The following SEMA3A variants were observed in gnomAD, a reference collection of about 807,000 sequenced individuals.
SEMA3A encodes the protein semaphorin 3A, also known as semaphorin-3A.
Under a neutral mutation model 97.9 loss-of-function variants are expected in SEMA3A, and 29 were observed. The ratio of observed to expected loss-of-function variants is 0.30; its 90% CI spans 0.22 to 0.40. The LOEUF is 0.40. SEMA3A is among the 10% of genes least tolerant of loss of function. SEMA3A has a pLI of 1.00. For synonymous variants in SEMA3A, 321 were observed against 323.7 expected (o/e 0.99, Z 0.09); for missense variants, 763 against 951.3 (o/e 0.80, Z 2.60).
At chr7:84,315,106 T>C (rs2115884217) in intron 2 of SEMA3A, among the ~76,000 whole-genome samples, 1 of 152,260 alleles carries the variant, frequency 6.6e-6, no homozygotes, top group East Asian at 1.9e-4. Context: ...AGAAGGGTAA[T>C]TAACCTTACC....
intron 1 of SEMA3A, among the ~76,000 whole-genome samples, chr7:84,185,518 TTAAAAAATA>T (rs1488976435): frequency 1.3e-5 from 2 of 148,592 alleles, no homozygotes; most frequent in Non-Finnish European, 3.0e-5. Context: ...CTAAAAAAAT[TTAAAAAATA>T]AAAAAAATAA....
At chr7:83,996,946 T>G (rs1055546091) in intron 12 of SEMA3A, among the ~76,000 whole-genome samples, 20 of 152,190 alleles carry the variant, frequency 1.3e-4, no homozygotes, top group African/African-American at 4.6e-4. Context: ...TTCTATACTC[T>G]GATCGAGATT....
chr7:84,145,405 A>G (rs1796433136), intron 1 of SEMA3A, among the ~76,000 whole-genome samples: 1 of 152,168 alleles, frequency 6.6e-6, no homozygotes, highest in Non-Finnish European at 1.5e-5. Context: ...TGTAATTTGA[A>G]CCACATTATT....
chr7:84,230,212 C>G (rs1799087971), intron 3 of SEMA3A, among the ~76,000 whole-genome samples: 1 of 152,078 alleles, frequency 6.6e-6, no homozygotes, highest in East Asian at 1.9e-4. Flanking sequence ...TTGAGTCACT[C>G]TCTCTCTTCC....
chr7:83,965,640 ATATATATATATAT>A (rs1788644717), intron 15 of SEMA3A, among the ~76,000 whole-genome samples: 1 of 6,490 alleles, frequency 1.5e-4, no homozygotes, highest in Non-Finnish European at 2.7e-4. Context: ...ATATATATAT[ATATATATATATAT>A]ATATATATAT....
intron 6 of SEMA3A, among the ~76,000 whole-genome samples, chr7:84,023,748 C>T (rs562818952): frequency 2.4e-4 from 36 of 152,274 alleles, no homozygotes; most frequent in Non-Finnish European, 4.9e-4. Context: ...CTATGGCTCA[C>T]GCCTGTAATC....
At chr7:84,333,135 T>G (rs1475126779) in intron 2 of SEMA3A, among the ~76,000 whole-genome samples, 1 of 152,144 alleles carries the variant, frequency 6.6e-6, no homozygotes, top group Non-Finnish European at 1.5e-5. Context: ...AATTGTAACT[T>G]TGTACTTTTT....
intron 3 of SEMA3A, among the ~76,000 whole-genome samples, chr7:84,209,199 G>A (rs1287370608): frequency 1.4e-4 from 21 of 152,114 alleles, no homozygotes; most frequent in Admixed American, 1.4e-3. Flanking sequence ...CCACTTCTTA[G>A]TGATTCAGCT....
Position 84,381,061 on chromosome 7 carries a change from C to T in SEMA3A, c.-245-9161G>A, listed in dbSNP as rs1282154177. ...GAACATGGACATCTCTGGGAACCAT[C>T]GTTATTGCCTACCAGATCCTACATA... On this transcript the variant is annotated intron_variant, in intron 1 of 3. Coordinates refer to the SEMA3A transcript ENST00000424555. Among the ~76,000 whole-genome samples the T allele has an allele frequency of 5.3e-5, 8 of 152,174 alleles. No homozygotes were observed. In the East Asian group the frequency reaches 5.8e-4, roughly 11 times the overall value.
At chr7:84,203,795 T>G (rs1798418826) in intron 3 of SEMA3A, among the ~76,000 whole-genome samples, 1 of 151,788 alleles carries the variant, frequency 6.6e-6, no homozygotes, top group Non-Finnish European at 1.5e-5. Context: ...CCTCCCAAAG[T>G]GCTGGGATTA....
At chr7:84,310,672 T>G (rs895515762) in intron 2 of SEMA3A, among the ~76,000 whole-genome samples, 4 of 152,112 alleles carry the variant, frequency 2.6e-5, no homozygotes, top group Non-Finnish European at 4.4e-5. Flanking sequence ...TTATACTTTC[T>G]GCTGTAATTG....
At chr7:84,410,882 G>T (rs1357479866) in intron 1 of SEMA3A, among the ~76,000 whole-genome samples, 7 of 152,058 alleles carry the variant, frequency 4.6e-5, no homozygotes, top group Non-Finnish European at 1.0e-4. Flanking sequence ...CTGCACCTAA[G>T]AGACTAACTA....
intron 4 of SEMA3A, among the ~76,000 whole-genome samples, chr7:84,090,531 C>T (rs1331065462): frequency 2.6e-5 from 4 of 152,060 alleles, no homozygotes; most frequent in East Asian, 3.9e-4. Flanking sequence ...ACAAGACCCA[C>T]GTTGAACAAA....
chr7:84,244,548 C>T (rs1371095191), intron 3 of SEMA3A, among the ~76,000 whole-genome samples: 1 of 152,056 alleles, frequency 6.6e-6, no homozygotes, highest in African/African-American at 2.4e-5. Context: ...ATACAATTTC[C>T]AGTCTGTGTC....
intron 12 of SEMA3A, among the ~76,000 whole-genome samples, chr7:83,990,364 T>C (rs1292871045): frequency 6.6e-6 from 1 of 151,752 alleles, no homozygotes; most frequent in Admixed American, 6.6e-5. Context: ...TGCCATGGCT[T>C]TTGGTGTTTT....
At chr7:84,454,056 G>A (rs1191404027) in intron 1 of SEMA3A, among the ~76,000 whole-genome samples, 1 of 152,154 alleles carries the variant, frequency 6.6e-6, no homozygotes, top group Non-Finnish European at 1.5e-5. Flanking sequence ...ATTATTTACA[G>A]TACATGGAGA....
At chr7:84,130,736 A>G (rs1795937462) in intron 2 of SEMA3A, among the ~76,000 whole-genome samples, 1 of 152,076 alleles carries the variant, frequency 6.6e-6, no homozygotes, top group East Asian at 1.9e-4. Context: ...AAAGTTTATA[A>G]TGGAAGAGGG....
chr7:84,011,369 A>G (rs1790866535), intron 7 of SEMA3A, 72 bp from the exon 8 acceptor site: 1 of 957,222 alleles, frequency 1.0e-6, no homozygotes, highest in African/African-American at 1.6e-5. Flanking sequence ...TATTTTCTTC[A>G]TATCTTCAGA....
intron 5 of SEMA3A, among the ~76,000 whole-genome samples, chr7:84,051,776 C>T (rs1792667026): frequency 6.6e-6 from 1 of 152,118 alleles, no homozygotes; most frequent in South Asian, 2.1e-4. Context: ...AGAGGGCATC[C>T]CTGTATTGTG....
Sources: gnomAD v4.1 joint callset for allele counts (sites outside exome capture counted in the v4.1 genomes callset) on GRCh38, gnomAD v4.1.1 for gene constraint, MANE v1.5 for transcripts, NCBI Gene and HGNC (gene_info 2026-07-23, HGNC 2026-07-21) for gene names.